Variants in NBEA observed in about 807,000 individuals in gnomAD.
The protein encoded by NBEA is neurobeachin.
In NBEA, 44 loss-of-function variants were observed where a neutral mutation model predicts 343.4. The ratio of observed to expected loss-of-function variants is 0.13; its 90% confidence interval spans 0.10 to 0.16. The LOEUF (loss-of-function observed/expected upper bound fraction) is 0.16. Among genes scored for constraint, NBEA ranks in the 10% least tolerant of loss-of-function variants. The probability of loss-of-function intolerance (pLI) is 1.00; values close to 1 mark genes in which losing one functional copy is unlikely to be tolerated. For missense variants in NBEA, 2,555 were observed against 3,631.3 expected (o/e 0.70, Z 7.62); for synonymous variants, 1,175 against 1,238.7 (o/e 0.95, Z 1.08).
At chr13:35,641,130 CAA>C (rs2083928482) in intron 49 of NBEA, among the ~76,000 whole-genome samples, 1 of 151,934 alleles carries the variant, frequency 6.6e-6, no homozygotes, top group Non-Finnish European at 1.5e-5. Context: ...TTGATATATA[CAA>C]GTTTTATTAA....
At chr13:35,364,900 G>A (rs1295311657) in intron 38 of NBEA, among the ~76,000 whole-genome samples, 1 of 151,812 alleles carries the variant, frequency 6.6e-6, no homozygotes, top group African/African-American at 2.4e-5. Flanking sequence ...TGCAAAGGGA[G>A]AGGAGTTGAA....
At chr13:35,360,667 T>TA (rs546523179) in intron 38 of NBEA, among the ~76,000 whole-genome samples, 11 of 151,886 alleles carry the variant, frequency 7.2e-5, no homozygotes, top group African/African-American at 9.6e-5. Flanking sequence ...AAAAAGTATA[T>TA]AAAAAAACAA....
At chr13:35,279,611 A>G (rs931831200) in intron 34 of NBEA, among the ~76,000 whole-genome samples, 5 of 152,202 alleles carry the variant, frequency 3.3e-5, no homozygotes, top group Non-Finnish European at 7.3e-5. Context: ...AATGAATTAG[A>G]AAGTATACAG....
intron 34 of NBEA, among the ~76,000 whole-genome samples, chr13:35,263,776 G>T (rs1334052412): frequency 6.6e-6 from 1 of 151,832 alleles, no homozygotes; most frequent in Non-Finnish European, 1.5e-5. Context: ...TACAGCAAAA[G>T]GAGATCTCAG....
chr13:34,942,552 A>T lies in NBEA; in HGVS notation c.-269A>T. On this transcript the variant is annotated 5_prime_UTR_variant, in exon 1 of 59. Coordinates refer to ENST00000379939, the MANE Select transcript of NBEA (RefSeq NM_001385012.1). ...GCGGCAGCGGCAGCGGCAGCGGCAC[A>T]CCTGCTGGGCGGGCACAGCCGCTTG... 1 of 202,702 alleles carries T rather than the reference A, an allele frequency of 4.9e-6. No individual in the cohort carries two copies. Among genetic ancestry groups the T allele is most frequent in the Non-Finnish European group, 9.7e-6 (1 of 103,322 alleles). 12.6% of individuals were successfully genotyped at this position (202,702 alleles called of 1,614,324 possible). A position where few individuals can be genotyped will look rare whatever the true frequency, so the allele number is the denominator to read the frequency against.
intron 30 of NBEA, among the ~76,000 whole-genome samples, chr13:35,184,625 A>G (rs2071558823): frequency 6.6e-6 from 1 of 152,138 alleles, no homozygotes; most frequent in Non-Finnish European, 1.5e-5. Flanking sequence ...ACAGATTTTG[A>G]GACAACAGAA....
intron 43 of NBEA, among the ~76,000 whole-genome samples, chr13:35,554,332 C>T (rs2079482386): frequency 6.6e-6 from 1 of 152,102 alleles, no homozygotes; most frequent in Non-Finnish European, 1.5e-5. Flanking sequence ...CTTTATCATA[C>T]TTTTCTAAAT....
intron 55 of NBEA, among the ~76,000 whole-genome samples, chr13:35,657,427 C>T (rs975634618): frequency 6.6e-6 from 1 of 152,198 alleles, no homozygotes; most frequent in Non-Finnish European, 1.5e-5. Context: ...CTGTTATTAA[C>T]AAACATTATG....
chr13:35,434,314 T>G (rs1209204527), intron 39 of NBEA, among the ~76,000 whole-genome samples: 1 of 152,058 alleles, frequency 6.6e-6, no homozygotes, highest in Non-Finnish European at 1.5e-5. Context: ...AGGTAAGAGG[T>G]GTGATACTAA....
At chr13:35,402,534 C>T (rs2043047543) in intron 38 of NBEA, among the ~76,000 whole-genome samples, 1 of 151,992 alleles carries the variant, frequency 6.6e-6, no homozygotes, top group Admixed American at 6.6e-5. Flanking sequence ...TAAGGACTGA[C>T]ATGTGTAGGA....
At chr13:35,297,684 A>C (rs1025139273) in intron 35 of NBEA, among the ~76,000 whole-genome samples, 1 of 151,860 alleles carries the variant, frequency 6.6e-6, no homozygotes, top group African/African-American at 2.4e-5. Flanking sequence ...TTATTTTTCT[A>C]TTGCCTTCTG....
At chr13:35,532,465 T>A (rs2078311178) in intron 41 of NBEA, among the ~76,000 whole-genome samples, 1 of 152,122 alleles carries the variant, frequency 6.6e-6, no homozygotes, top group African/African-American at 2.4e-5. Context: ...TTAAATATGC[T>A]AGTAATAATA....
chr13:35,324,750 A>T (rs1322190858), intron 36 of NBEA, among the ~76,000 whole-genome samples: 1 of 152,180 alleles, frequency 6.6e-6, no homozygotes, highest in African/African-American at 2.4e-5. Flanking sequence ...ACTGTTTTCA[A>T]GCTAAATGAT....
intron 38 of NBEA, among the ~76,000 whole-genome samples, chr13:35,362,239 A>G (rs1043508753): frequency 1.1e-4 from 17 of 151,938 alleles, no homozygotes; most frequent in African/African-American, 3.9e-4. Context: ...TTTCTGTGCA[A>G]ACACTATTAT....
chr13:35,665,121 A>G lies in NBEA; in HGVS notation c.8399A>G (p.His2800Arg). The G allele has an allele frequency of 6.3e-7, 1 of 1,585,844 alleles. No individual in the cohort carries two copies. The highest frequency in any genetic ancestry group is 1.3e-5 in the African/African-American group (1 of 74,708). The change falls in exon 56 of 59, where the codon CAT (histidine) becomes CGT (arginine). Residue 2800 changes from histidine (H) to arginine (R), a missense_variant. Transcript: ENST00000379939. The stretch of plus-strand genomic sequence containing the variant: ...GCACCAAGAGCCGTCCTCACAGGCC[A>G]TGACCATGAAGTTGTCTGTGTTTCT... Reference protein sequence around the residue: ...YPAPRAVLTGHDHEVVCVSVC... With the variant: ...YPAPRAVLTGRDHEVVCVSVC...
chr13:35,389,439 T>G (rs2042394997), intron 38 of NBEA, among the ~76,000 whole-genome samples: 1 of 152,180 alleles, frequency 6.6e-6, no homozygotes, highest in Admixed American at 6.6e-5. Context: ...TTCTAGAAAT[T>G]TGTATTCTAG....
intron 38 of NBEA, among the ~76,000 whole-genome samples, chr13:35,421,781 G>T (rs1391111502): frequency 1.3e-5 from 2 of 152,082 alleles, no homozygotes; most frequent in Admixed American, 1.3e-4. Flanking sequence ...TCTCATCACT[G>T]GCTATAGGAT....
At chr13:35,054,159 T>C (rs1482291173) in intron 6 of NBEA, among the ~76,000 whole-genome samples, 1 of 152,172 alleles carries the variant, frequency 6.6e-6, no homozygotes, top group Non-Finnish European at 1.5e-5. Flanking sequence ...TTCGTGTCTC[T>C]TCTCTTTAGA....
intron 10 of NBEA, among the ~76,000 whole-genome samples, chr13:35,086,204 T>G (rs1267374685): frequency 6.6e-6 from 1 of 152,078 alleles, no homozygotes; most frequent in Non-Finnish European, 1.5e-5. Context: ...ACCAATGACT[T>G]TCTTCACAGA....
Sources: allele counts gnomAD v4.1 joint callset (sites outside exome capture counted in the v4.1 genomes callset), GRCh38; gene constraint gnomAD v4.1.1; transcripts MANE v1.5; gene names NCBI Gene and HGNC (gene_info 2026-07-23, HGNC 2026-07-21).